Variants in NELL2 observed in about 807,000 individuals in gnomAD.
NELL2 encodes neural EGFL like 2.
In NELL2, 41 loss-of-function variants were observed where a neutral mutation model predicts 109.6. The ratio of observed to expected loss-of-function variants is 0.37; its 90% CI spans 0.29 to 0.49. The LOEUF (loss-of-function observed/expected upper bound fraction) is 0.49, where lower values mean the gene tolerates loss of function less well. Among genes scored for constraint, NELL2 ranks in the 20% least tolerant of loss-of-function variants. The probability of loss-of-function intolerance (pLI) is 0.98; values close to 1 mark genes in which losing one functional copy is unlikely to be tolerated. For synonymous variants in NELL2, 355 were observed against 344.7 expected (o/e 1.03, Z -0.33); for missense variants, 900 against 1,008.3 (o/e 0.89, Z 1.45).
intron 9 of NELL2, among the ~76,000 whole-genome samples, chr12:44,768,503 T>C (rs938597781): frequency 4.1e-5 from 6 of 145,184 alleles, no homozygotes; most frequent in Admixed American, 1.4e-4. Context: ...CATATACCTA[T>C]AGAATTATAA....
At chr12:44,886,142 A>AGGAG (rs1945471202) in intron 1 of NELL2, among the ~76,000 whole-genome samples, 1 of 147,560 alleles carries the variant, frequency 6.8e-6, no homozygotes, top group Non-Finnish European at 1.5e-5. Context: ...GAAGGAAGGA[A>AGGAG]GGAAGAAAGG....
At chr12:44,512,979 C>T (rs1941068741) in intron 19 of NELL2, among the ~76,000 whole-genome samples, 1 of 152,054 alleles carries the variant, frequency 6.6e-6, no homozygotes, top group South Asian at 2.1e-4. Context: ...AATGTTCCCA[C>T]CACAAAGTAA....
chr12:44,595,975 T>C (rs963805134), intron 15 of NELL2, among the ~76,000 whole-genome samples: 2 of 152,218 alleles, frequency 1.3e-5, no homozygotes, highest in East Asian at 1.9e-4. Flanking sequence ...ATTGGGATTA[T>C]AGCTCTAGAA....
chr12:44,527,526 G>T (rs1168988077), intron 16 of NELL2, among the ~76,000 whole-genome samples: 4 of 152,128 alleles, frequency 2.6e-5, no homozygotes, highest in Non-Finnish European at 5.9e-5. Flanking sequence ...AACCTAAAAA[G>T]TAATGACACA....
In NELL2 at chr12:44,577,478, T is replaced by G. The variant is rs1240438892; in HGVS notation, c.1663+29691A>C. Among the ~76,000 whole-genome samples the G allele has an allele frequency of 2.3e-4, 30 of 131,010 alleles. 1 individual carries two copies. Among genetic ancestry groups the G allele is most frequent in the East Asian group, 1.0e-3 (5 of 4,826 alleles). 85.9% of individuals were successfully genotyped at this position (131,010 alleles called of 152,430 possible). On this transcript the variant is annotated intron_variant, in intron 15 of 19. Coordinates refer to ENST00000429094, the MANE Select transcript of NELL2 (RefSeq NM_001145108.2). Reference sequence around the variant, plus strand: ...GTCAGATGAGTAGTTTTTTTTTTTTTTTTTTTTTTTTTTTGAGATGGAGTC... The same window carrying G: ...GTCAGATGAGTAGTTTTTTTTTTTTGTTTTTTTTTTTTTTGAGATGGAGTC...
intron 13 of NELL2, among the ~76,000 whole-genome samples, chr12:44,651,354 C>A (rs903685582): frequency 2.0e-5 from 3 of 152,152 alleles, no homozygotes; most frequent in African/African-American, 7.2e-5. Flanking sequence ...AGTTTCACTT[C>A]CATGGATATT....
chr12:44,588,122 C>G (rs889222917), intron 15 of NELL2, among the ~76,000 whole-genome samples: 1 of 150,542 alleles, frequency 6.6e-6, no homozygotes, highest in African/African-American at 2.4e-5. Context: ...GAGCCGAGAT[C>G]ATCGTGCCAC....
At chr12:44,864,589 G>C (rs912106789) in intron 2 of NELL2, among the ~76,000 whole-genome samples, 1 of 152,098 alleles carries the variant, frequency 6.6e-6, no homozygotes, top group Non-Finnish European at 1.5e-5. Flanking sequence ...TCTAAAAGAA[G>C]AGATAGACTG....
chr12:44,563,894 C>T (rs1943563078), intron 15 of NELL2, among the ~76,000 whole-genome samples: 1 of 152,158 alleles, frequency 6.6e-6, no homozygotes, highest in African/African-American at 2.4e-5. Flanking sequence ...AATTCTATGA[C>T]TATTTCCAGC....
At chr12:44,771,848 T>C (rs1402346572) in intron 9 of NELL2, among the ~76,000 whole-genome samples, 2 of 152,132 alleles carry the variant, frequency 1.3e-5, no homozygotes, top group Admixed American at 1.3e-4. Flanking sequence ...TGCCCAGAAA[T>C]GCGCAAACAA....
At chr12:44,773,460 A>C (rs886884651) in intron 9 of NELL2, among the ~76,000 whole-genome samples, 2 of 152,086 alleles carry the variant, frequency 1.3e-5, no homozygotes, top group African/African-American at 4.8e-5. Context: ...TGGGCGACAG[A>C]GCGAGGCTCC....
intron 9 of NELL2, among the ~76,000 whole-genome samples, chr12:44,764,859 A>AG (rs1296499435): frequency 4.8e-4 from 72 of 148,920 alleles, no homozygotes; most frequent in Middle Eastern, 3.5e-3. Flanking sequence ...AGAGAGAGAG[A>AG]AAAAAAAAAG....
chr12:44,668,577 A>G (rs555517180), intron 12 of NELL2, among the ~76,000 whole-genome samples: 1 of 152,120 alleles, frequency 6.6e-6, no homozygotes, highest in Admixed American at 6.5e-5. Flanking sequence ...CACGTGCACT[A>G]TCACAATCTG....
intron 15 of NELL2, among the ~76,000 whole-genome samples, chr12:44,588,853 A>C (rs576447105): frequency 6.6e-6 from 1 of 152,316 alleles, no homozygotes; most frequent in East Asian, 1.9e-4. Flanking sequence ...TTATGCAATA[A>C]TTCCCCATTC....
Position 44,521,980 on chromosome 12 carries a change from C to T in NELL2, c.2175+20G>A. The T allele has an allele frequency of 3.1e-6, 5 of 1,606,666 alleles. No individual in the cohort carries two copies. The highest frequency in any genetic ancestry group is 3.4e-6 in the Non-Finnish European group (4 of 1,176,474). On this transcript the variant is annotated intron_variant, in intron 18 of 19. Coordinates refer to ENST00000429094, the MANE Select transcript of NELL2 (RefSeq NM_001145108.2). ...ATTCTGGGCCTAAATTTTCTTTCCA[C>T]TTCATGTAGCTAAATTTACCAAGCA...
chr12:44,785,405 A>C (rs571444172), intron 3 of NELL2, among the ~76,000 whole-genome samples: 9 of 152,222 alleles, frequency 5.9e-5, no homozygotes, highest in Non-Finnish European at 1.2e-4. Flanking sequence ...AAAAACATTC[A>C]TGCTCATGGA....
At chr12:44,551,761 T>C (rs1943052160) in intron 15 of NELL2, among the ~76,000 whole-genome samples, 1 of 152,146 alleles carries the variant, frequency 6.6e-6, no homozygotes, top group Non-Finnish European at 1.5e-5. Context: ...TCTAAGGTAG[T>C]ATAGGTAGGG....
At chr12:44,826,018 G>A (rs113034893) in intron 2 of NELL2, among the ~76,000 whole-genome samples, 25,521 of 151,624 alleles carry the variant, frequency 0.17, 2,548 homozygotes, top group East Asian at 0.41. Context: ...CTCCAGTCTG[G>A]GCAACAAGAG....
intron 9 of NELL2, among the ~76,000 whole-genome samples, chr12:44,734,245 A>G (rs550663292): frequency 1.2e-3 from 184 of 152,004 alleles, no homozygotes; most frequent in Non-Finnish European, 1.9e-3. Flanking sequence ...TAATTCTAGT[A>G]ATGCCTTTTT....
Sources: allele counts gnomAD v4.1 joint callset (sites outside exome capture counted in the v4.1 genomes callset), GRCh38; gene constraint gnomAD v4.1.1; transcripts MANE v1.5; gene names NCBI Gene and HGNC (gene_info 2026-07-23, HGNC 2026-07-21).